The following AQP7B variants were observed in gnomAD, a reference collection of about 807,000 sequenced individuals.
AQP7B encodes the protein aquaporin 7B.
At chr2:94,595,643 G>T in the AQP7B span, among the ~76,000 whole-genome samples, 1 of 152,138 alleles carries the variant, frequency 6.6e-6, no homozygotes, top group African/African-American at 2.4e-5. Context: ...AACAAGTTAA[G>T]AGGCTGTTTT....
the AQP7B span, among the ~76,000 whole-genome samples, chr2:94,602,018 A>AGTGTGT: frequency 0.12 from 17,212 of 139,772 alleles, 1,051 homozygotes; most frequent in Middle Eastern, 0.15. Context: ...ATTGCGGCGG[A>AGTGTGT]GTGTGTGTGT....
chr2:94,602,753 G>A, the AQP7B span: 7 of 953,880 alleles, frequency 7.3e-6, no homozygotes, highest in Non-Finnish European at 1.1e-5. Context: ...AGTCTCCTCT[G>A]AACCCCGTGC....
At chr2:94,600,812 G>A in the AQP7B span, among the ~76,000 whole-genome samples, 1 of 151,792 alleles carries the variant, frequency 6.6e-6, no homozygotes. Context: ...CCGGGAGTTG[G>A]AGGTTGCGGT....
the AQP7B span, among the ~76,000 whole-genome samples, chr2:94,587,939 G>A: frequency 6.6e-6 from 1 of 152,096 alleles, no homozygotes; most frequent in African/African-American, 2.4e-5. Context: ...GGACAGACAG[G>A]GTGAGGGGAC....
At chr2:94,596,404 G>A in the AQP7B span, among the ~76,000 whole-genome samples, 3 of 152,212 alleles carry the variant, frequency 2.0e-5, no homozygotes, top group Non-Finnish European at 4.4e-5. Context: ...GGGAAGGGAG[G>A]CAAAGGCAGC....
the AQP7B span, among the ~76,000 whole-genome samples, chr2:94,600,312 CAT>C: frequency 6.6e-6 from 1 of 152,170 alleles, no homozygotes; most frequent in Non-Finnish European, 1.5e-5. Flanking sequence ...CAATGCAAAC[CAT>C]CTGTATAATT....
At chr2:94,594,751 C>A in the AQP7B span, 2 of 1,576,206 alleles carry the variant, frequency 1.3e-6, no homozygotes, top group East Asian at 2.2e-5. Flanking sequence ...CAGGTCCACC[C>A]GTGGCTCCAA....
At chr2:94,592,487 C>T in the AQP7B span, among the ~76,000 whole-genome samples, 2 of 152,116 alleles carry the variant, frequency 1.3e-5, no homozygotes, top group African/African-American at 4.8e-5. Context: ...ACTCCAGCTC[C>T]CATGCAGCAT....
At chr2:94,601,640 A>C in the AQP7B span, among the ~76,000 whole-genome samples, 6 of 152,132 alleles carry the variant, frequency 3.9e-5, no homozygotes, top group Admixed American at 1.3e-4. Context: ...CTCCTGCAGC[A>C]TGACTGAAAC....
At chr2:94,601,452 G>T in the AQP7B span, among the ~76,000 whole-genome samples, 1 of 152,206 alleles carries the variant, frequency 6.6e-6, no homozygotes, top group Non-Finnish European at 1.5e-5. Context: ...GAATTTTAGC[G>T]CATCAGGCAT....
At chr2:94,601,216 G>T in the AQP7B span, among the ~76,000 whole-genome samples, 13 of 152,200 alleles carry the variant, frequency 8.5e-5, no homozygotes, top group African/African-American at 2.9e-4. Context: ...AGTTCTCTAA[G>T]CTTCAGATTA....
chr2:94,600,118 C>T, the AQP7B span, among the ~76,000 whole-genome samples: 2 of 152,028 alleles, frequency 1.3e-5, no homozygotes, highest in South Asian at 2.1e-4. Flanking sequence ...GATCCATCCA[C>T]CTCGGCCTCC....
the AQP7B span, among the ~76,000 whole-genome samples, chr2:94,598,497 A>G: frequency 6.6e-6 from 1 of 152,102 alleles, no homozygotes; most frequent in Admixed American, 6.5e-5. Context: ...AGGGTTGTAG[A>G]TCACATGCTA....
At chr2:94,590,944 CAAAAAAA>C in the AQP7B span, among the ~76,000 whole-genome samples, 266 of 49,072 alleles carry the variant, frequency 5.4e-3, no homozygotes, top group East Asian at 0.018. Flanking sequence ...GACCCTGTCT[CAAAAAAA>C]AAAAAAAAAA....
At chr2:94,602,826 G>A in the AQP7B span, among the ~76,000 whole-genome samples, 5 of 152,194 alleles carry the variant, frequency 3.3e-5, no homozygotes, top group African/African-American at 9.6e-5. Flanking sequence ...CACTGGCTGG[G>A]TCATCTTAGG....
chr2:94,602,018 A>AGTGTGTGTGTGT, the AQP7B span, among the ~76,000 whole-genome samples: 337 of 139,938 alleles, frequency 2.4e-3, 2 homozygotes, highest in Non-Finnish European at 3.7e-3. Flanking sequence ...ATTGCGGCGG[A>AGTGTGTGTGTGT]GTGTGTGTGT....
chr2:94,594,489 C>G, the AQP7B span, among the ~76,000 whole-genome samples: 1 of 152,214 alleles, frequency 6.6e-6, no homozygotes, highest in African/African-American at 2.4e-5. Flanking sequence ...AAAGTGGCCT[C>G]ATTGGTGTGC....
At chr2:94,597,455 T>G in the AQP7B span, among the ~76,000 whole-genome samples, 6 of 152,130 alleles carry the variant, frequency 3.9e-5, no homozygotes, top group Non-Finnish European at 7.3e-5. Flanking sequence ...GTGCAGCATC[T>G]TCCCAAATCC....
the AQP7B span, among the ~76,000 whole-genome samples, chr2:94,595,887 T>C: frequency 2.0e-5 from 3 of 152,034 alleles, no homozygotes; most frequent in Non-Finnish European, 4.4e-5. Flanking sequence ...AGGAGAGGCT[T>C]GGTCTGGAAG....
Sources: allele counts gnomAD v4.1 joint callset (sites outside exome capture counted in the v4.1 genomes callset), GRCh38; gene constraint gnomAD v4.1.1; transcripts MANE v1.5; gene names NCBI Gene and HGNC (gene_info 2026-07-23, HGNC 2026-07-21).